Variants in VCF1 observed in about 807,000 individuals in gnomAD.
VCF1 encodes VCP nuclear cofactor family member 1, also known as protein VCF1.
the VCF1 span, chr17:73,208,765 G>C: frequency 4.9e-6 from 2 of 412,052 alleles, no homozygotes; most frequent in Non-Finnish European, 9.1e-6. Context: ...AAGTTTGTAG[G>C]ACAAAAAGTC....
chr17:73,217,481 C>T, the VCF1 span, among the ~76,000 whole-genome samples: 3 of 151,902 alleles, frequency 2.0e-5, no homozygotes, highest in South Asian at 4.2e-4. Context: ...GAAACCCTGT[C>T]TCTACTAACA....
At chr17:73,232,384 C>T in the VCF1 span, 1 of 1,422,056 alleles carries the variant, frequency 7.0e-7, no homozygotes, top group Non-Finnish European at 9.2e-7. Context: ...TAACCCCGCC[C>T]ACGGGAAGAG....
At chr17:73,209,799 A>G in the VCF1 span, 1,270 of 1,536,906 alleles carry the variant, frequency 8.3e-4, 8 homozygotes, top group African/African-American at 0.014. Context: ...ACAGGGTCAC[A>G]ATAAGGCTGT....
At chr17:73,216,508 A>G in the VCF1 span, among the ~76,000 whole-genome samples, 1 of 152,142 alleles carries the variant, frequency 6.6e-6, no homozygotes, top group African/African-American at 2.4e-5. Flanking sequence ...GGCACACAGG[A>G]AGCTGAGGGG....
chr17:73,225,899 A>ATAT, the VCF1 span, among the ~76,000 whole-genome samples: 25 of 114,846 alleles, frequency 2.2e-4, no homozygotes, highest in Non-Finnish European at 3.7e-4. Flanking sequence ...ATATATATAT[A>ATAT]TTTTTTTTTT....
chr17:73,229,823 G>A, the VCF1 span, among the ~76,000 whole-genome samples: 18 of 117,362 alleles, frequency 1.5e-4, no homozygotes, highest in Admixed American at 7.4e-4. Flanking sequence ...TGCCGAGATC[G>A]CACCACTGCA....
the VCF1 span, chr17:73,208,797 A>G: frequency 2.7e-6 from 1 of 365,880 alleles, no homozygotes; most frequent in South Asian, 2.2e-5. Flanking sequence ...CTTTACTTGC[A>G]GAACTGTGCC....
the VCF1 span, chr17:73,212,750 A>G: frequency 1.9e-6 from 3 of 1,576,828 alleles, no homozygotes; most frequent in Non-Finnish European, 1.7e-6. Context: ...TCTGAAAATC[A>G]AGGCAAGAAC....
chr17:73,224,418 C>T, the VCF1 span, among the ~76,000 whole-genome samples: 1 of 152,056 alleles, frequency 6.6e-6, no homozygotes, highest in Non-Finnish European at 1.5e-5. Context: ...GCACTCCAGT[C>T]TGGGTGACAA....
chr17:73,228,002 C>A, the VCF1 span, among the ~76,000 whole-genome samples: 2 of 152,150 alleles, frequency 1.3e-5, no homozygotes, highest in Non-Finnish European at 2.9e-5. Flanking sequence ...AGTCAAATTG[C>A]CCGGAACTGT....
At chr17:73,219,367 T>C in the VCF1 span, among the ~76,000 whole-genome samples, 3 of 151,908 alleles carry the variant, frequency 2.0e-5, no homozygotes, top group African/African-American at 7.3e-5. Context: ...GAAATTAATC[T>C]CGGCTGGGCG....
chr17:73,225,897 A>AT, the VCF1 span, among the ~76,000 whole-genome samples: 35 of 72,412 alleles, frequency 4.8e-4, no homozygotes, highest in Admixed American at 9.2e-4. Context: ...ATATATATAT[A>AT]TATTTTTTTT....
At chr17:73,231,716 G>A in the VCF1 span, among the ~76,000 whole-genome samples, 1 of 152,112 alleles carries the variant, frequency 6.6e-6, no homozygotes, top group Non-Finnish European at 1.5e-5. Flanking sequence ...AAAGCCTTTG[G>A]GGGCTCCCTC....
the VCF1 span, chr17:73,208,401 T>G: frequency 6.2e-7 from 1 of 1,614,246 alleles, no homozygotes; most frequent in Non-Finnish European, 8.5e-7. Context: ...AGACAACACG[T>G]CTGCACCTTC....
At chr17:73,224,940 C>CACAGGACAGGACAGGACAGG in the VCF1 span, among the ~76,000 whole-genome samples, 1 of 107,352 alleles carries the variant, frequency 9.3e-6, no homozygotes, top group Non-Finnish European at 2.0e-5. Context: ...GACAGCACAG[C>CACAGGACAGGACAGGACAGG]ACAGCACAGC....
chr17:73,220,223 A>T, the VCF1 span, among the ~76,000 whole-genome samples: 669 of 152,274 alleles, frequency 4.4e-3, 37 homozygotes, highest in East Asian at 0.089. Flanking sequence ...ATTATTTTTT[A>T]AAAAATCACC....
chr17:73,209,554 T>C, the VCF1 span: 81 of 1,588,234 alleles, frequency 5.1e-5, no homozygotes, highest in Non-Finnish European at 6.8e-5. Context: ...CCCTCGGTGC[T>C]GTAGGCTGTG....
At chr17:73,227,169 G>C in the VCF1 span, 12 of 1,580,594 alleles carry the variant, frequency 7.6e-6, no homozygotes, top group Non-Finnish European at 1.0e-5. Flanking sequence ...TCCTACCTCT[G>C]TGTCCCAGGA....
chr17:73,224,985 CACAGCACAGG>C, the VCF1 span, among the ~76,000 whole-genome samples: 3 of 83,408 alleles, frequency 3.6e-5, no homozygotes. Context: ...CACAGCACAG[CACAGCACAGG>C]ACAGGACAGG....
Sources: allele counts gnomAD v4.1 joint callset (sites outside exome capture counted in the v4.1 genomes callset), GRCh38; gene constraint gnomAD v4.1.1; transcripts MANE v1.5; gene names NCBI Gene and HGNC (gene_info 2026-07-23, HGNC 2026-07-21).